DAB1: variants seen among roughly 807,000 people sequenced by gnomAD.
The protein encoded by DAB1 is disabled homolog 1.
A neutral mutation model predicts 64.6 loss-of-function variants in DAB1; 15 were observed. The ratio of observed to expected loss-of-function variants is 0.23; its 90% CI spans 0.16 to 0.36. The LOEUF (loss-of-function observed/expected upper bound fraction) is 0.36. Among genes scored for constraint, DAB1 ranks in the 10% least tolerant of loss-of-function variants. The probability of loss-of-function intolerance (pLI) is 1.00; values close to 1 mark genes in which losing one functional copy is unlikely to be tolerated. For missense variants in DAB1, 596 were observed against 706.7 expected (o/e 0.84, Z 1.78); for synonymous variants, 235 against 251.9 (o/e 0.93, Z 0.64).
chr1:57,374,374 T>C (rs934414261), intron 1 of DAB1, among the ~76,000 whole-genome samples: 65 of 152,366 alleles, frequency 4.3e-4, no homozygotes, highest in African/African-American at 1.5e-3. Flanking sequence ...TAAACTTTTA[T>C]TAATTTCTTT....
chr1:58,086,408 GA>G (rs1327482815), intron 5 of DAB1, among the ~76,000 whole-genome samples: 5 of 152,098 alleles, frequency 3.3e-5, no homozygotes, highest in Admixed American at 6.5e-5. Flanking sequence ...GACATAGCTG[GA>G]ATGATTTAAA....
chr1:57,360,575 G>T (rs187420213), intron 1 of DAB1, among the ~76,000 whole-genome samples: 1 of 152,060 alleles, frequency 6.6e-6, no homozygotes, highest in Non-Finnish European at 1.5e-5. Flanking sequence ...CATGTAAAGG[G>T]TCTCTAGGGA....
At chr1:57,891,361 A>G (rs564446417) in intron 5 of DAB1, among the ~76,000 whole-genome samples, 2 of 152,336 alleles carry the variant, frequency 1.3e-5, no homozygotes, top group South Asian at 2.1e-4. Flanking sequence ...GAAACAACAG[A>G]TGCTGGAGAG....
chr1:58,461,962 C>G (rs1363215071), intron 3 of DAB1, among the ~76,000 whole-genome samples: 2 of 152,176 alleles, frequency 1.3e-5, no homozygotes, highest in Non-Finnish European at 2.9e-5. Context: ...AATCATGCTG[C>G]TCTCCCTTGT....
chr1:57,687,045 C>T (rs576049148), intron 6 of DAB1, among the ~76,000 whole-genome samples: 1 of 152,076 alleles, frequency 6.6e-6, no homozygotes, highest in Non-Finnish European at 1.5e-5. Flanking sequence ...ATTGCCAAAG[C>T]AATCAGGCAA....
intron 1 of DAB1, among the ~76,000 whole-genome samples, chr1:57,318,209 G>A (rs1675385980): frequency 6.7e-6 from 1 of 150,224 alleles, no homozygotes; most frequent in South Asian, 2.1e-4. Context: ...TCCAGAGAGA[G>A]TGATTTGCAT....
At chr1:57,424,548 G>A (rs1237582029), upstream of DAB1, among the ~76,000 whole-genome samples, 1 of 152,204 alleles carries the variant, frequency 6.6e-6, no homozygotes, top group Non-Finnish European at 1.5e-5. Flanking sequence ...ACTGGACGCA[G>A]CTCCGCCTGG....
chr1:58,454,448 G>A (rs963122158), intron 3 of DAB1, among the ~76,000 whole-genome samples: 2 of 152,170 alleles, frequency 1.3e-5, no homozygotes, highest in African/African-American at 2.4e-5. Context: ...GCTTGCAGGA[G>A]TCGACCCAAA....
chr1:58,378,772 C>T, intron 3 of DAB1, among the ~76,000 whole-genome samples: 1 of 113,666 alleles, frequency 8.8e-6, no homozygotes, highest in Non-Finnish European at 1.8e-5. Flanking sequence ...GGCGCCCCTC[C>T]CCCAGCCTCG....
At chr1:57,678,018 G>T (rs1016915684) in intron 6 of DAB1, among the ~76,000 whole-genome samples, 5 of 152,152 alleles carry the variant, frequency 3.3e-5, no homozygotes, top group Non-Finnish European at 7.3e-5. Flanking sequence ...TGCTTCTAGA[G>T]GCTTGGTTCA....
chr1:56,998,218 C>T (rs1448059228), intron 14 of DAB1, 90 bp from the exon 15 acceptor site: 1 of 152,624 alleles, frequency 6.6e-6, no homozygotes, highest in Non-Finnish European at 1.5e-5. Context: ...AGGATTAAAA[C>T]AGAAAAGTGA....
chr1:57,226,672 A>AAAAATATATATATATATATATATAT (rs747021990), intron 2 of DAB1, among the ~76,000 whole-genome samples: 1 of 136,016 alleles, frequency 7.4e-6, no homozygotes, highest in African/African-American at 3.1e-5. Flanking sequence ...TTAAAAAAAA[A>AAAAATATATATATATATATATATAT]ATATATATAT....
intron 4 of DAB1, among the ~76,000 whole-genome samples, chr1:58,161,709 A>G (rs957679012): frequency 2.0e-5 from 3 of 152,222 alleles, no homozygotes; most frequent in Admixed American, 2.0e-4. Context: ...TTTCACAGAA[A>G]AGAAAACTGA....
intron 14 of DAB1, among the ~76,000 whole-genome samples, chr1:57,009,234 G>A (rs748266000): frequency 3.3e-5 from 5 of 152,282 alleles, no homozygotes; most frequent in South Asian, 4.1e-4. Flanking sequence ...AAAATACCTC[G>A]TGGGGAATCA....
At chr1:57,265,662 A>G (rs1670532259) in intron 2 of DAB1, among the ~76,000 whole-genome samples, 1 of 152,148 alleles carries the variant, frequency 6.6e-6, no homozygotes, top group South Asian at 2.1e-4. Context: ...CTCATTGTAG[A>G]TTAATTTTGT....
intron 3 of DAB1, among the ~76,000 whole-genome samples, chr1:58,413,575 C>A (rs1025640286): frequency 2.6e-5 from 4 of 152,190 alleles, no homozygotes; most frequent in Non-Finnish European, 5.9e-5. Context: ...TCTGTGTCTA[C>A]TCCTGGTGGC....
At chr1:57,476,234 AAAAAAAC>A (rs1430754481) in intron 7 of DAB1, among the ~76,000 whole-genome samples, 66 of 151,900 alleles carry the variant, frequency 4.3e-4, no homozygotes, top group Non-Finnish European at 7.7e-4. Flanking sequence ...TTCAAAAAAA[AAAAAAAC>A]AAAAAACAAA....
At chr1:57,491,194 T>C (rs1644158977) in intron 7 of DAB1, among the ~76,000 whole-genome samples, 1 of 152,128 alleles carries the variant, frequency 6.6e-6, no homozygotes, top group African/African-American at 2.4e-5. Flanking sequence ...TTTGGGAGGC[T>C]GAGGCGGGTG....
intron 6 of DAB1, among the ~76,000 whole-genome samples, chr1:57,683,295 C>T (rs1646658338): frequency 6.6e-6 from 1 of 152,150 alleles, no homozygotes; most frequent in Non-Finnish European, 1.5e-5. Context: ...AGCCCCACAA[C>T]CTGGCACACT....
Sources: gnomAD v4.1 joint callset for allele counts (sites outside exome capture counted in the v4.1 genomes callset) on GRCh38, gnomAD v4.1.1 for gene constraint, MANE v1.5 for transcripts, NCBI Gene and HGNC (gene_info 2026-07-23, HGNC 2026-07-21) for gene names.